The following VDAC2 variants were observed in gnomAD, a reference collection of about 807,000 sequenced individuals.
VDAC2 encodes non-selective voltage-gated ion channel VDAC2.
A neutral mutation model predicts 36.6 loss-of-function variants in VDAC2; 6 were observed. That is an observed-to-expected ratio of 0.16 (90% CI 0.09 to 0.32). VDAC2 has a LOEUF of 0.32. VDAC2 is among the 10% of genes least tolerant of loss of function. VDAC2 has a pLI of 1.00. For missense variants in VDAC2, 247 were observed against 346.0 expected (o/e 0.71, Z 2.27); for synonymous variants, 109 against 123.8 (o/e 0.88, Z 0.79).
chr10:75,211,900 A>G (rs554436523), intron 2 of VDAC2, among the ~76,000 whole-genome samples: 2 of 152,330 alleles, frequency 1.3e-5, no homozygotes, highest in East Asian at 3.9e-4. Context: ...ATTTTGGCAG[A>G]TACATAAATA....
chr10:75,218,202 G>A (rs1220923678), intron 4 of VDAC2: 1 of 315,004 alleles, frequency 3.2e-6, no homozygotes, highest in African/African-American at 2.2e-5. Context: ...TGTCACCCAT[G>A]CTGAGTGCAG....
intron 6 of VDAC2, among the ~76,000 whole-genome samples, chr10:75,219,939 T>G (rs1479061874): frequency 6.7e-6 from 1 of 150,370 alleles, no homozygotes; most frequent in Non-Finnish European, 1.5e-5. Context: ...GTGATTCTCC[T>G]GCCTCAGCCT....
In VDAC2 at chr10:75,231,021, T is replaced by C. The variant is rs753641029; in HGVS notation, c.*32T>C. The stretch of plus-strand genomic sequence containing the variant: ...TGAAAGAAACCTTTGGGAATGGATA[T>C]CAGAAGATTTGGCCTTAATATATTT... On this transcript the variant is annotated 3_prime_UTR_variant, in exon 10 of 10. Transcript: ENST00000332211. The C allele has an allele frequency of 5.2e-6, 8 of 1,549,612 alleles. No individual in the cohort carries two copies. The highest frequency in any genetic ancestry group is 7.1e-6 in the Non-Finnish European group (8 of 1,128,988).
At chr10:75,213,268 C>T (rs183415219) in intron 3 of VDAC2, among the ~76,000 whole-genome samples, 5 of 150,422 alleles carry the variant, frequency 3.3e-5, no homozygotes, top group African/African-American at 9.7e-5. Flanking sequence ...TTAGTAGAGA[C>T]GAGGTTTCAC....
At chr10:75,213,032 C>T (rs1158411095) in intron 3 of VDAC2, among the ~76,000 whole-genome samples, 2 of 152,000 alleles carry the variant, frequency 1.3e-5, no homozygotes, top group African/African-American at 4.8e-5. Flanking sequence ...TTGGAAATAC[C>T]CCATTGGCAT....
chr10:75,228,838 A>G (rs944665464), intron 8 of VDAC2, among the ~76,000 whole-genome samples: 26 of 152,364 alleles, frequency 1.7e-4, no homozygotes, highest in African/African-American at 5.8e-4. Flanking sequence ...AAATGAAGGC[A>G]GGTGTTCCTG....
At position 75,231,111 on chromosome 10, in the gene VDAC2, C is replaced by T; in HGVS notation, c.*122C>T. 1 of 719,324 alleles carries T rather than the reference C, an allele frequency of 1.4e-6. No homozygotes were observed. Among genetic ancestry groups the T allele is most frequent in the Non-Finnish European group, 2.3e-6 (1 of 434,078 alleles). 44.6% of individuals were successfully genotyped at this position (719,324 alleles called of 1,614,324 possible). On this transcript the variant is annotated 3_prime_UTR_variant, in exon 10 of 10. Transcript: ENST00000332211. ...TGATCAAAACAAAGGATGATCTCAA[C>T]AAGAGCTGTATTTTAAGTATTTAGA...
At chr10:75,213,423 G>T (rs980828833) in intron 3 of VDAC2, among the ~76,000 whole-genome samples, 4 of 152,144 alleles carry the variant, frequency 2.6e-5, no homozygotes, top group African/African-American at 9.7e-5. Flanking sequence ...TCAGTTGAAT[G>T]ATTTTTTAAT....
chr10:75,225,895 C>T (rs530376972), intron 8 of VDAC2, among the ~76,000 whole-genome samples: 1 of 152,234 alleles, frequency 6.6e-6, no homozygotes, highest in East Asian at 1.9e-4. Flanking sequence ...TGGGTTCAAG[C>T]CATTCTTGTG....
At chr10:75,212,820 T>A (rs1400960918) in intron 3 of VDAC2, among the ~76,000 whole-genome samples, 2 of 152,248 alleles carry the variant, frequency 1.3e-5, no homozygotes, top group Non-Finnish European at 2.9e-5. Context: ...ACTTAGAAGA[T>A]TTGAGCCTTT....
At chr10:75,216,211 G>C (rs1260394168) in intron 4 of VDAC2, among the ~76,000 whole-genome samples, 1 of 152,108 alleles carries the variant, frequency 6.6e-6, no homozygotes, top group Non-Finnish European at 1.5e-5. Flanking sequence ...TAGTGTATTT[G>C]TTGAAACACA....
rs1324657804 is a variant in VDAC2, at chr10:75,231,185, G to C, written c.*196G>C. ...AGTTGGTTATCTAGTTACCAATGCT[G>C]CAGTCCTGCAGTCACCTATACATTA... On this transcript the variant is annotated 3_prime_UTR_variant, in exon 10 of 10. Transcript: ENST00000332211. 1 of 532,050 alleles carries C rather than the reference G, an allele frequency of 1.9e-6. No homozygotes were observed. The highest frequency in any genetic ancestry group is 3.4e-6 in the Non-Finnish European group (1 of 292,312). 33.0% of individuals were successfully genotyped at this position (532,050 alleles called of 1,614,324 possible). A position where few individuals can be genotyped will look rare whatever the true frequency, so the allele number is the denominator to read the frequency against.
At chr10:75,214,480 T>G (rs1841535856) in intron 4 of VDAC2, among the ~76,000 whole-genome samples, 2 of 152,248 alleles carry the variant, frequency 1.3e-5, no homozygotes, top group African/African-American at 2.4e-5. Context: ...CAGTTCTCCC[T>G]GGAGAAGATT....
rs191007320 is a variant in VDAC2, at chr10:75,217,759, A to G, written c.151-1304A>G. On this transcript the variant is annotated intron_variant, in intron 4 of 9. Transcript: ENST00000332211. ...TTAATGAAAGGGTCTAATTTAGGAG[A>G]GTGATGTAAGACCTAAGGATTTGTC... is the stretch of plus-strand genomic sequence containing the variant. 3.1e-3 allele frequency: 1,264 copies of G among 414,418 alleles called. 5 individuals carry two copies. The highest frequency in any genetic ancestry group is 7.2e-3 in the Admixed American group (186 of 25,954). 25.7% of individuals were successfully genotyped at this position (414,418 alleles called of 1,614,324 possible).
intron 4 of VDAC2, 116 bp from the exon 5 acceptor site, chr10:75,218,947 A>AAGG (rs10664665): frequency 0.48 from 502,715 of 1,037,326 alleles, 133,372 homozygotes; most frequent in East Asian, 0.92. Flanking sequence ...AAGCTAGAAA[A>AAGG]AGGATTCATG....
intron 8 of VDAC2, among the ~76,000 whole-genome samples, chr10:75,226,464 T>G (rs1029812165): frequency 5.6e-4 from 83 of 149,250 alleles, no homozygotes; most frequent in Admixed American, 3.0e-3. Context: ...TTTTTTTTTT[T>G]TTTTTTTTTT....
chr10:75,222,177 T>C, intron 7 of VDAC2, 75 bp from the exon 8 acceptor site: 2 of 1,424,934 alleles, frequency 1.4e-6, no homozygotes, highest in South Asian at 2.7e-5. Flanking sequence ...TTAAATGTAA[T>C]GCTACAAATC....
intron 8 of VDAC2, chr10:75,229,441 T>C (rs1388953668): frequency 4.4e-6 from 2 of 450,960 alleles, no homozygotes; most frequent in Admixed American, 8.5e-5. Context: ...AAGAGTATTG[T>C]GTCCTACTGA....
At chr10:75,211,642 G>A in intron 2 of VDAC2, 1 of 1,550,578 alleles carries the variant, frequency 6.4e-7, no homozygotes, top group Non-Finnish European at 8.7e-7. Context: ...ATTGGCCGAG[G>A]ACTTGAGAGT....
Sources: allele counts gnomAD v4.1 joint callset (sites outside exome capture counted in the v4.1 genomes callset), GRCh38; gene constraint gnomAD v4.1.1; transcripts MANE v1.5; gene names NCBI Gene and HGNC (gene_info 2026-07-23, HGNC 2026-07-21).